FBP1: variants seen among roughly 807,000 people sequenced by gnomAD.
FBP1 encodes the protein fructose-1,6-bisphosphatase 1.
FBP1 carries 22 observed loss-of-function variants against 29.9 expected under a neutral mutation model. That is an observed-to-expected ratio of 0.74 (90% confidence interval 0.53 to 1.05). The LOEUF is 1.05. Ranked by LOEUF, FBP1 falls within the 50% of genes least tolerant of loss-of-function variation. The pLI is 0.00. For missense variants in FBP1, 345 were observed against 448.2 expected (o/e 0.77, Z 2.08); for synonymous variants, 175 against 178.6 (o/e 0.98, Z 0.16).
intron 6 of FBP1, 76 bp from the exon 7 acceptor site, chr9:94,603,648 A>G: frequency 1.5e-6 from 2 of 1,318,772 alleles, no homozygotes; most frequent in Non-Finnish European, 2.2e-6. Flanking sequence ...CTGCAGCAAA[A>G]CATGCAGAGC....
intron 3 of FBP1, 36 bp from the exon 4 acceptor site, chr9:94,610,097 T>C: frequency 6.2e-7 from 1 of 1,606,402 alleles, no homozygotes; most frequent in South Asian, 1.1e-5. Flanking sequence ...TGTTTTTGTT[T>C]TGTTTTGTGA....
chr9:94,619,448 A>G (rs576273355), intron 2 of FBP1, among the ~76,000 whole-genome samples: 8 of 152,320 alleles, frequency 5.3e-5, no homozygotes, highest in African/African-American at 1.9e-4. Context: ...GTTGTTTTAT[A>G]AAAGCTGGGA....
chr9:94,638,998 C>A, intron 1 of FBP1, 143 bp downstream of exon 1: 1 of 859,066 alleles, frequency 1.2e-6, no homozygotes, highest in Non-Finnish European at 1.9e-6. Context: ...GGCTACCAGA[C>A]AGAGAGCGAG....
chr9:94,606,623 TC>T (rs1368627154), intron 5 of FBP1, among the ~76,000 whole-genome samples, 191 bp downstream of exon 5: 1 of 152,174 alleles, frequency 6.6e-6, no homozygotes, highest in Non-Finnish European at 1.5e-5. Flanking sequence ...ATCCACTCCA[TC>T]CCTGCTTCCT....
At chr9:94,635,812 CTT>C (rs921728307) in intron 1 of FBP1, among the ~76,000 whole-genome samples, 1 of 152,214 alleles carries the variant, frequency 6.6e-6, no homozygotes, top group African/African-American at 2.4e-5. Flanking sequence ...TAGAGAAAAA[CTT>C]CAATACCTCA....
rs143750371 is a variant in FBP1, at chr9:94,615,248, A to G, written c.426+2520T>C. Among the ~76,000 whole-genome samples, 738 of 152,204 alleles carry G rather than the reference A, an allele frequency of 4.8e-3. 8 individuals carry two copies. The highest frequency in any genetic ancestry group is 0.017 in the African/African-American group (709 of 41,512). ...TAAAAAAGTCACTTCTGGTTCATTG[A>G]GAAGACAGCCGAGCCTTATTGTTGA... On this transcript the variant is annotated intron_variant, in intron 3 of 6. Coordinates refer to ENST00000375326, the MANE Select transcript of FBP1 (RefSeq NM_000507.4).
At chr9:94,616,598 G>GT (rs1057304570) in intron 3 of FBP1, among the ~76,000 whole-genome samples, 1 of 151,566 alleles carries the variant, frequency 6.6e-6, no homozygotes. Context: ...ATGCCTGGCT[G>GT]TTTTTTTGTA....
Position 94,603,422 on chromosome 9 carries a change from G to C in FBP1, c.976C>G (p.Leu326Val), listed in dbSNP as rs767153010. The C allele has an allele frequency of 5.6e-6, 9 of 1,614,060 alleles. No homozygotes were observed. The highest frequency in any genetic ancestry group is 7.6e-6 in the Non-Finnish European group (9 of 1,179,990). Reference sequence around the variant, plus strand: ...TTCTCATACACCTTCAGGAACTCGAGCACGTCGTCGGGGGATCCCAAGATC... The same window carrying C: ...TTCTCATACACCTTCAGGAACTCGACCACGTCGTCGGGGGATCCCAAGATC... ...PVILGSPDDV[L>V]EFLKVYEKHS... Residue 326 changes from leucine to valine, a missense_variant, in exon 7 of 7, where the codon CTC becomes GTC. Physicochemically the swap from Leu to Val is conservative, Grantham distance 32. Transcript: ENST00000375326.
intron 1 of FBP1, among the ~76,000 whole-genome samples, chr9:94,626,387 T>C (rs12000612): frequency 0.043 from 6,528 of 152,244 alleles, 495 homozygotes; most frequent in African/African-American, 0.15. Context: ...TGCTGCCATG[T>C]TGATAGCAAC....
At chr9:94,603,927 G>A (rs912377750) in intron 6 of FBP1, 16 of 354,952 alleles carry the variant, frequency 4.5e-5, no homozygotes, top group African/African-American at 3.0e-4. Flanking sequence ...TTCTGTGTGT[G>A]TTGGATGGAG....
chr9:94,614,524 A>T (rs1827835476), intron 3 of FBP1, among the ~76,000 whole-genome samples: 1 of 152,182 alleles, frequency 6.6e-6, no homozygotes, highest in Non-Finnish European at 1.5e-5. Context: ...TGGGCGACAG[A>T]GAGAGACTCT....
chr9:94,618,460 A>T lies in FBP1; in HGVS notation c.334-600T>A, dbSNP rs1455245607. 7.3e-3 allele frequency among the ~76,000 whole-genome samples: 29 copies of T among 3,984 alleles called. 1 individual carries two copies. Among genetic ancestry groups the T allele is most frequent in the Non-Finnish European group, 0.012 (24 of 2,082 alleles). The allele number at this position is 3,984 out of a possible 152,430, so 2.6% of individuals were successfully genotyped here. ...GCATAGAGAGACTCCTTCTGTAAAA[A>T]AAAAAAAAAAAAAAAAAAAAAAAAA... is the stretch of plus-strand genomic sequence containing the variant. On this transcript the variant is annotated intron_variant, in intron 2 of 6. Coordinates refer to ENST00000375326, the MANE Select transcript of FBP1 (RefSeq NM_000507.4).
At chr9:94,620,971 TG>T (rs1317846414) in intron 1 of FBP1, among the ~76,000 whole-genome samples, 2 of 151,982 alleles carry the variant, frequency 1.3e-5, no homozygotes, top group Non-Finnish European at 2.9e-5. Flanking sequence ...CCCAGCACTT[TG>T]GGAGGCTGAG....
Position 94,631,714 on chromosome 9 carries a change from C to T in FBP1, c.170+7427G>A, listed in dbSNP as rs573824152. ...ACACAGCACACAGAAGAACCAGACT[C>T]GGGCTCGGAACACGCAGCTCAACCA... On this transcript the variant is annotated intron_variant, in intron 1 of 6. Coordinates refer to ENST00000375326, the MANE Select transcript of FBP1 (RefSeq NM_000507.4). Among the ~76,000 whole-genome samples the T allele has an allele frequency of 5.9e-5, 9 of 152,282 alleles. No homozygotes were observed. In the South Asian group the frequency reaches 8.3e-4, roughly 14 times the overall value.
chr9:94,609,881 G>T (rs1827756342), intron 4 of FBP1, 40 bp downstream of exon 4: 3 of 1,611,266 alleles, frequency 1.9e-6, no homozygotes, highest in Non-Finnish European at 2.5e-6. Flanking sequence ...TTTGCTCACA[G>T]ACACCAGCCA....
intron 2 of FBP1, 35 bp from the exon 3 acceptor site, chr9:94,617,895 G>T: frequency 1.3e-6 from 2 of 1,482,886 alleles, no homozygotes; most frequent in Non-Finnish European, 1.9e-6. Flanking sequence ...ACCTTAAAAT[G>T]TTATAGCAAG....
At chr9:94,630,623 A>G (rs952468542) in intron 1 of FBP1, among the ~76,000 whole-genome samples, 2 of 152,242 alleles carry the variant, frequency 1.3e-5, no homozygotes, top group African/African-American at 4.8e-5. Flanking sequence ...AACTGAGTTG[A>G]TACAGGTAAA....
intron 4 of FBP1, among the ~76,000 whole-genome samples, chr9:94,607,976 T>C (rs1044516435): frequency 6.6e-6 from 1 of 152,152 alleles, no homozygotes; most frequent in African/African-American, 2.4e-5. Flanking sequence ...TGACCACAAG[T>C]ATACCGGAAT....
rs540596576 is a variant in FBP1, at chr9:94,639,059, CAGAGGG to C, written c.170+76_170+81del. The C allele has an allele frequency of 4.5e-4, 623 of 1,388,872 alleles. 4 individuals are homozygous for C. In the African/African-American group the frequency reaches 8.0e-3, roughly 18 times the overall value. The allele number at this position is 1,388,872 out of a possible 1,614,324, so 86.0% of individuals were successfully genotyped here. A position where few individuals can be genotyped will look rare whatever the true frequency, so the allele number is the denominator to read the frequency against. ...AGACAGAGGCTGACGGCAGGAGGCT[CAGAGGG>C]CCCAACGTCAGCCCGCCGGGCAGGC... On this transcript the variant is annotated intron_variant, in intron 1 of 6. Coordinates refer to ENST00000375326, the MANE Select transcript of FBP1 (RefSeq NM_000507.4).
Sources: allele counts gnomAD v4.1 joint callset (sites outside exome capture counted in the v4.1 genomes callset), GRCh38; gene constraint gnomAD v4.1.1; transcripts MANE v1.5; gene names NCBI Gene and HGNC (gene_info 2026-07-23, HGNC 2026-07-21).